The following PKN2 variants were observed in gnomAD, a reference collection of about 807,000 sequenced individuals.
PKN2 encodes serine/threonine-protein kinase N2.
In PKN2, 38 loss-of-function variants were observed where a neutral mutation model predicts 119.1. That is an observed-to-expected ratio of 0.32 (90% CI 0.25 to 0.42). The LOEUF (loss-of-function observed/expected upper bound fraction) is 0.42. Ranked by LOEUF, PKN2 falls within the 10% of genes least tolerant of loss-of-function variation. The probability of loss-of-function intolerance (pLI) is 1.00; values close to 1 mark genes in which losing one functional copy is unlikely to be tolerated. For missense variants in PKN2, 850 were observed against 1,165.1 expected (o/e 0.73, Z 3.94); for synonymous variants, 390 against 384.9 (o/e 1.01, Z -0.15).
intron 3 of PKN2, among the ~76,000 whole-genome samples, chr1:88,762,585 G>T (rs9804132): frequency 6.6e-6 from 1 of 152,112 alleles, no homozygotes; most frequent in Admixed American, 6.5e-5. Flanking sequence ...GCTCTGGGGT[G>T]TAAGTGTAAT....
At chr1:88,717,579 C>T (rs1278927725) in intron 1 of PKN2, among the ~76,000 whole-genome samples, 1 of 151,646 alleles carries the variant, frequency 6.6e-6, no homozygotes, top group South Asian at 2.1e-4. Context: ...TCTGCTTGAT[C>T]GAATCGGCTA....
At chr1:88,818,934 A>G (rs1672129413) in intron 16 of PKN2, among the ~76,000 whole-genome samples, 1 of 151,904 alleles carries the variant, frequency 6.6e-6, no homozygotes, top group Admixed American at 6.6e-5. Flanking sequence ...TGGGGAAAGA[A>G]TTCCCTATTT....
chr1:88,765,158 A>G (rs1024764963), intron 3 of PKN2, among the ~76,000 whole-genome samples: 1 of 151,664 alleles, frequency 6.6e-6, no homozygotes, highest in African/African-American at 2.4e-5. Flanking sequence ...TGAGCTCCTG[A>G]CCTCAAGTGA....
intron 1 of PKN2, among the ~76,000 whole-genome samples, chr1:88,731,424 A>C (rs2100727149): frequency 6.6e-6 from 1 of 152,322 alleles, no homozygotes; most frequent in Non-Finnish European, 1.5e-5. Context: ...TGTAGTTCAA[A>C]TATAGATAAA....
chr1:88,686,194 A>G (rs1158510073), intron 1 of PKN2, among the ~76,000 whole-genome samples: 1 of 152,184 alleles, frequency 6.6e-6, no homozygotes, highest in Non-Finnish European at 1.5e-5. Context: ...GAAATACTTT[A>G]CATTGCCTGG....
chr1:88,731,162 C>A (rs1668131064), intron 1 of PKN2, among the ~76,000 whole-genome samples: 1 of 151,960 alleles, frequency 6.6e-6, no homozygotes, highest in African/African-American at 2.4e-5. Flanking sequence ...TTTTTTTAAA[C>A]CTTGTATGAT....
At chr1:88,829,728 T>A (rs1365759869) in intron 19 of PKN2, among the ~76,000 whole-genome samples, 2 of 152,192 alleles carry the variant, frequency 1.3e-5, no homozygotes, top group Non-Finnish European at 2.9e-5. Flanking sequence ...CAAGAAAAAT[T>A]ATTTTAAGGG....
At chr1:88,798,007 A>C (rs893803003) in intron 8 of PKN2, among the ~76,000 whole-genome samples, 2 of 152,272 alleles carry the variant, frequency 1.3e-5, no homozygotes, top group African/African-American at 4.8e-5. Context: ...GTGAAATTTT[A>C]AGAAGAATTT....
At chr1:88,787,558 A>G (rs1670631315) in intron 8 of PKN2, among the ~76,000 whole-genome samples, 1 of 152,228 alleles carries the variant, frequency 6.6e-6, no homozygotes, top group Non-Finnish European at 1.5e-5. Context: ...AGATAGAAAG[A>G]TAACAGTAGC....
chr1:88,802,472 C>T (rs1435869637), intron 8 of PKN2, among the ~76,000 whole-genome samples: 5 of 152,052 alleles, frequency 3.3e-5, no homozygotes, highest in East Asian at 1.9e-4. Context: ...ACCACAGGTG[C>T]GTGCACCACG....
chr1:88,815,382 G>C (rs1671942910), intron 16 of PKN2: 5 of 290,090 alleles, frequency 1.7e-5, no homozygotes, highest in South Asian at 1.5e-4. Context: ...GAGTTCCCTA[G>C]CTAAAATATC....
intron 6 of PKN2, among the ~76,000 whole-genome samples, chr1:88,776,708 C>A (rs1240257538): frequency 6.6e-6 from 1 of 151,766 alleles, no homozygotes; most frequent in African/African-American, 2.4e-5. Context: ...CCACTGCACT[C>A]CAGCCTGGGT....
At chr1:88,822,338 G>T (rs1384162711) in intron 17 of PKN2, among the ~76,000 whole-genome samples, 3 of 152,078 alleles carry the variant, frequency 2.0e-5, no homozygotes, top group African/African-American at 7.2e-5. Context: ...TACTAAAAAC[G>T]TGTCCATGAT....
At chr1:88,773,652 A>G (rs996047631) in intron 6 of PKN2, among the ~76,000 whole-genome samples, 5 of 151,960 alleles carry the variant, frequency 3.3e-5, no homozygotes, top group Admixed American at 2.6e-4. Context: ...GGTTGCATGC[A>G]CCTGTAGTCC....
chr1:88,752,786 G>C (rs1669053134), intron 2 of PKN2, among the ~76,000 whole-genome samples: 1 of 151,926 alleles, frequency 6.6e-6, no homozygotes, highest in South Asian at 2.1e-4. Flanking sequence ...CAGCTTTTCT[G>C]TATCATGTTT....
At chr1:88,812,276 C>T (rs930449044) in intron 15 of PKN2, among the ~76,000 whole-genome samples, 1 of 152,144 alleles carries the variant, frequency 6.6e-6, no homozygotes, top group African/African-American at 2.4e-5. Flanking sequence ...CAGATAATTC[C>T]TGTGAATGGC....
chr1:88,725,911 A>G (rs1217905546), intron 1 of PKN2, among the ~76,000 whole-genome samples: 1 of 152,124 alleles, frequency 6.6e-6, no homozygotes, highest in Non-Finnish European at 1.5e-5. Flanking sequence ...GAGCATACCA[A>G]TTCTATACAT....
chr1:88,710,780 TA>T (rs1196699300), intron 1 of PKN2, among the ~76,000 whole-genome samples: 3 of 152,188 alleles, frequency 2.0e-5, no homozygotes, highest in Non-Finnish European at 4.4e-5. Flanking sequence ...ACCATTCAAC[TA>T]GCAATTTCAT....
chr1:88,821,884 TG>T, intron 16 of PKN2, 56 bp from the exon 17 acceptor site: 1 of 1,325,190 alleles, frequency 7.5e-7, no homozygotes. Flanking sequence ...ACATATAAGC[TG>T]GGATTCAAGA....
Sources: gnomAD v4.1 joint callset for allele counts (sites outside exome capture counted in the v4.1 genomes callset) on GRCh38, gnomAD v4.1.1 for gene constraint, MANE v1.5 for transcripts, NCBI Gene and HGNC (gene_info 2026-07-23, HGNC 2026-07-21) for gene names.